WNT2B: variants seen among roughly 807,000 people sequenced by gnomAD.
WNT2B encodes protein Wnt-2b.
Under a neutral mutation model 40.5 loss-of-function variants are expected in WNT2B, and 19 were observed. That is an observed-to-expected ratio of 0.47 (90% CI 0.33 to 0.69). WNT2B has a LOEUF of 0.69. Ranked by LOEUF, WNT2B falls within the 30% of genes least tolerant of loss-of-function variation. WNT2B has a pLI of 0.02. For synonymous variants in WNT2B, 220 were observed against 211.9 expected, an observed-to-expected ratio of 1.04 and a Z score of -0.33; for missense variants, 467 against 556.4, an observed-to-expected ratio of 0.84 and a Z score of 1.62.
chr1:112,490,199 C>G (rs548696849), intron 1 of WNT2B, among the ~76,000 whole-genome samples: 2 of 152,056 alleles, frequency 1.3e-5, no homozygotes, highest in African/African-American at 4.8e-5. Flanking sequence ...AGCATTAACT[C>G]GACTCTCTGC....
intron 3 of WNT2B, 112 bp from the exon 4 acceptor site, chr1:112,517,009 A>AGCCAGG: frequency 6.9e-7 from 1 of 1,439,056 alleles, no homozygotes; most frequent in East Asian, 2.3e-5. Context: ...TCAATCGGCC[A>AGCCAGG]GCCAGGGCCA....
chr1:112,508,609 G>C (rs1433403559), upstream of WNT2B: 1 of 613,982 alleles, frequency 1.6e-6, no homozygotes, highest in Non-Finnish European at 2.0e-6. The surrounding 1 kb of genome is among the most constrained non-coding windows in gnomAD (Gnocchi z 4.2). Flanking sequence ...CTGTAGGTTG[G>C]GGACAGGAGG....
chr1:112,470,075 G>A (rs1570757437), intron 1 of WNT2B, among the ~76,000 whole-genome samples: 1 of 152,150 alleles, frequency 6.6e-6, no homozygotes, highest in Non-Finnish European at 1.5e-5. Flanking sequence ...TTACCAGTGA[G>A]TTTTGTACCT....
At chr1:112,502,336 C>T (rs916238035) in intron 1 of WNT2B, among the ~76,000 whole-genome samples, 1 of 152,222 alleles carries the variant, frequency 6.6e-6, no homozygotes, top group Admixed American at 6.5e-5. Flanking sequence ...GCCCTGCACC[C>T]CGCTCTCCCC....
intron 1 of WNT2B, among the ~76,000 whole-genome samples, chr1:112,479,688 G>A (rs928918837): frequency 3.3e-5 from 5 of 152,042 alleles, no homozygotes; most frequent in Non-Finnish European, 7.4e-5. Context: ...GTTTTTGTAA[G>A]CAATTGAAGT....
At position 112,516,272 on chromosome 1, in the gene WNT2B, A is replaced by G. The variant is rs772120901; in HGVS notation, c.536A>G (p.Gln179Arg). The G allele has an allele frequency of 1.2e-6, 2 of 1,614,084 alleles. No homozygotes were observed. Among genetic ancestry groups the G allele is most frequent in the South Asian group, 2.2e-5 (2 of 91,066 alleles). ...TACACCCGTGGCCGACACCATGACC[A>G]GCGTGGGGACTTTGACTGGGGTGGC... ...DPYTRGRHHD[Q>R]RGDFDWGGCS... The change falls in exon 3 of 5, where the codon CAG becomes CGG. Residue 179 changes from glutamine (Q) to arginine (R), a missense_variant. Physicochemically the swap from Gln to Arg is conservative, Grantham distance 43. This residue lies in a region of WNT2B where 330 missense variants were observed against 438.6 expected (regional missense o/e 0.75). Transcript: ENST00000369684.
upstream of WNT2B, chr1:112,508,664 C>T (rs1652208052): frequency 2.1e-6 from 2 of 967,852 alleles, no homozygotes; most frequent in South Asian, 9.5e-5. This position sits in a 1 kb window ranked among gnomAD's most constrained non-coding sequence, Gnocchi z 4.2. Flanking sequence ...TGGCCGTCAC[C>T]CATAGAAGTG....
At chr1:112,495,925 A>T (rs1297222678) in intron 1 of WNT2B, among the ~76,000 whole-genome samples, 1 of 152,064 alleles carries the variant, frequency 6.6e-6, no homozygotes, top group African/African-American at 2.4e-5. Flanking sequence ...GGACTGCTGG[A>T]TCTTCACATG....
intron 1 of WNT2B, among the ~76,000 whole-genome samples, chr1:112,478,479 C>T (rs1338724390): frequency 2.6e-5 from 4 of 151,814 alleles, no homozygotes; most frequent in African/African-American, 7.3e-5. Flanking sequence ...AGTAACTGAT[C>T]ACATATAAGG....
rs1294865439 is a variant in WNT2B at position 112,523,407 on chromosome 1, G to A, written c.*2898G>A. 1 of 152,218 alleles carries A rather than the reference G, an allele frequency of 6.6e-6. No individual in the cohort carries two copies. The highest frequency in any genetic ancestry group is 6.5e-5 in the Admixed American group (1 of 15,286). 9.4% of individuals were successfully genotyped at this position (152,218 alleles called of 1,614,324 possible). A position where few individuals can be genotyped will look rare whatever the true frequency, so the allele number is the denominator to read the frequency against. Reference sequence around the variant, plus strand: ...CACGGAGGTTATGTGGTCCCAAAAGGAATGATGGCCAAGCAATTAATTTTT... The same window carrying A: ...CACGGAGGTTATGTGGTCCCAAAAGAAATGATGGCCAAGCAATTAATTTTT... On this transcript the variant is annotated 3_prime_UTR_variant, in exon 5 of 5. Coordinates refer to ENST00000369684, the MANE Select transcript of WNT2B (RefSeq NM_024494.3).
At chr1:112,471,524 T>C (rs1650880098) in intron 1 of WNT2B, among the ~76,000 whole-genome samples, 1 of 152,242 alleles carries the variant, frequency 6.6e-6, no homozygotes, top group African/African-American at 2.4e-5. Context: ...GAGTGTCTAA[T>C]GTCTCTAGTC....
chr1:112,510,384 T>C (rs528456997), intron 1 of WNT2B, among the ~76,000 whole-genome samples: 2 of 152,252 alleles, frequency 1.3e-5, no homozygotes, highest in Non-Finnish European at 2.9e-5. Flanking sequence ...AAAGACTCAG[T>C]CTTTCCTCTT....
At chr1:112,512,800 C>T (rs1374229605) in intron 1 of WNT2B, among the ~76,000 whole-genome samples, 1 of 152,130 alleles carries the variant, frequency 6.6e-6, no homozygotes, top group East Asian at 1.9e-4. Flanking sequence ...TTGGAGGCTC[C>T]CTACACTAAC....
In WNT2B at chr1:112,482,176, T is replaced by A. The variant is rs542289131; in HGVS notation, c.-95+14585T>A. On this transcript the variant is annotated intron_variant, in intron 1 of 4. Coordinates refer to the WNT2B transcript ENST00000256640. ...AAAAAAAAAAATTAGCCAGGCTAAT[T>A]TAAACGGTGGTGCATGCCTGTGGTT... 5.5e-4 allele frequency among the ~76,000 whole-genome samples: 83 copies of A among 151,878 alleles called. 1 individual carries two copies. The highest frequency in any genetic ancestry group is 1.5e-5 in the Non-Finnish European group (1 of 67,952).
At chr1:112,479,489 G>A (rs531416331) in intron 1 of WNT2B, among the ~76,000 whole-genome samples, 14 of 151,576 alleles carry the variant, frequency 9.2e-5, no homozygotes, top group East Asian at 5.9e-4. Flanking sequence ...CAGGAGAATC[G>A]CTGGAACCTG....
intron 1 of WNT2B, among the ~76,000 whole-genome samples, chr1:112,473,244 AGAGG>A (rs552869400): frequency 3.3e-3 from 494 of 149,390 alleles, no homozygotes; most frequent in Middle Eastern, 0.014. Context: ...AGGAAGGAAA[AGAGG>A]GAGGGAGGGA....
intron 1 of WNT2B, among the ~76,000 whole-genome samples, chr1:112,510,860 T>C (rs1378584014): frequency 1.3e-5 from 2 of 152,146 alleles, no homozygotes; most frequent in East Asian, 3.8e-4. Flanking sequence ...AAGTTCTGAG[T>C]GAGATCAAAG....
At chr1:112,513,269 C>G (rs1652417869) in intron 1 of WNT2B, among the ~76,000 whole-genome samples, 1 of 152,208 alleles carries the variant, frequency 6.6e-6, no homozygotes, top group East Asian at 1.9e-4. Context: ...TAACTCTGGG[C>G]TGTGCGTCAG....
chr1:112,521,478 T>C lies in WNT2B; in HGVS notation c.*969T>C, dbSNP rs561929516. On this transcript the variant is annotated 3_prime_UTR_variant, in exon 5 of 5. Coordinates refer to ENST00000369684, the MANE Select transcript of WNT2B (RefSeq NM_024494.3). ...CAAGGGCCCACATGAGGCATCAGTA[T>C]ATATTAGGCAGGTAGGGATCTCTGG... The C allele has an allele frequency of 6.6e-6, 1 of 152,190 alleles. No individual in the cohort carries two copies. The highest frequency in any genetic ancestry group is 1.5e-5 in the Non-Finnish European group (1 of 68,018). 9.4% of individuals were successfully genotyped at this position (152,190 alleles called of 1,614,324 possible). A position where few individuals can be genotyped will look rare whatever the true frequency, so the allele number is the denominator to read the frequency against.
Sources: allele counts gnomAD v4.1 joint callset (sites outside exome capture counted in the v4.1 genomes callset), GRCh38; gene constraint gnomAD v4.1.1; regional missense constraint gnomAD v4.1.1; non-coding constraint Gnocchi (gnomAD v3.1); transcripts MANE v1.5; gene names NCBI Gene and HGNC (gene_info 2026-07-23, HGNC 2026-07-21).